The following OTOG variants were observed in gnomAD, a reference collection of about 807,000 sequenced individuals.
OTOG encodes otogelin.
A neutral mutation model predicts 313.8 loss-of-function variants in OTOG; 296 were observed. That is an observed-to-expected ratio of 0.94 (90% CI 0.86 to 1.04). The LOEUF is 1.04. OTOG is among the 50% of genes least tolerant of loss of function. OTOG has a pLI of 0.00. For synonymous variants in OTOG, 1,533 were observed against 1,554.9 expected (o/e 0.99, Z 0.33); for missense variants, 3,948 against 3,840.1 (o/e 1.03, Z -0.74).
chr11:17,587,555 C>A (rs1374732559), intron 24 of OTOG, among the ~76,000 whole-genome samples: 1 of 152,184 alleles, frequency 6.6e-6, no homozygotes, highest in Non-Finnish European at 1.5e-5. Flanking sequence ...GGCCCCCAGT[C>A]CCTGTCCCAT....
At chr11:17,573,496 G>A (rs1172851860) in intron 19 of OTOG, among the ~76,000 whole-genome samples, 1 of 152,162 alleles carries the variant, frequency 6.6e-6, no homozygotes, top group Non-Finnish European at 1.5e-5. Context: ...TGGGACCTGT[G>A]ACTCAGGACT....
rs1565098701 is a variant in OTOG, at chr11:17,573,162, T to G, written c.2165T>G (p.Phe722Cys). 6.5e-7 allele frequency: 1 copy of G among 1,544,214 alleles called. No individual in the cohort carries two copies. Residue 722 changes from phenylalanine to cysteine, a missense_variant, in exon 19 of 56, where the codon TTT becomes TGT. Physicochemically the swap from Phe to Cys is radical, Grantham distance 205. Coordinates refer to ENST00000399397, the MANE Select transcript of OTOG (RefSeq NM_001292063.2). ...CSAFLSPVPY[F>C]EQCRRDACRC... ...GCGTTCCTGAGCCCCGTGCCCTACT[T>G]TGAGCAGTGCCGCAGGGATGCCTGC...
Position 17,645,598 on chromosome 11 carries a change from C to T in OTOG, c.8496C>T (p.Thr2832=), listed in dbSNP as rs947681356. The T allele has an allele frequency of 1.3e-6, 2 of 1,550,508 alleles. No homozygotes were observed. Among genetic ancestry groups the T allele is most frequent in the African/African-American group, 2.7e-5 (2 of 73,072 alleles). ...KEDGRSCKKV[T]IRMTIRKNEC... ...ATGGGCGCTCCTGCAAGAAGGTGACCATCCGCATGACCATCCGCAAGAATG... is the reference window on the plus strand; with the variant it reads ...ATGGGCGCTCCTGCAAGAAGGTGACTATCCGCATGACCATCCGCAAGAATG... The change falls in exon 55 of 56, where the codon ACC becomes ACT. Residue 2832 remains threonine, a synonymous_variant. Transcript: ENST00000399397.
chr11:17,640,952 T>C lies in OTOG; in HGVS notation c.8051T>C (p.Met2684Thr). ...TGTCTGAGCCGCGAGCTGGGTGTGA[T>C]GCAGCCCGGCCAGACAGTGGTGGAG... ...PVCLSRELGVMQPGQTVVELS... is the reference protein window; with the variant it reads ...PVCLSRELGVTQPGQTVVELS... Residue 2684 changes from methionine to threonine, a missense_variant, in exon 51 of 56, where the codon ATG (methionine) becomes ACG (threonine). Met to Thr is a moderately conservative substitution (Grantham distance 81). Transcript: ENST00000399397. 6.5e-7 allele frequency: 1 copy of C among 1,548,390 alleles called. No homozygotes were observed. Among genetic ancestry groups the C allele is most frequent in the Non-Finnish European group, 8.7e-7 (1 of 1,146,966 alleles).
chr11:17,609,887 C>T lies in OTOG; in HGVS notation c.4587C>T (p.Thr1529=). 3 of 1,514,050 alleles carry T rather than the reference C, an allele frequency of 2.0e-6. No individual in the cohort carries two copies. Among genetic ancestry groups the T allele is most frequent in the Non-Finnish European group, 2.7e-6 (3 of 1,126,186 alleles). The allele number at this position is 1,514,050 out of a possible 1,614,324, so 93.8% of individuals were successfully genotyped here. A position where few individuals can be genotyped will look rare whatever the true frequency, so the allele number is the denominator to read the frequency against. Residue 1529 remains threonine (T), a synonymous_variant, in exon 36 of 56, where the codon ACC becomes ACT. Transcript: ENST00000399397. ...PVVSPGPTQT[T]LQQPLELTAS... ...TGTCTCCAGGCCCCACCCAGACCAC[C>T]CTGCAGCAGCCACTGGAGCTCACTG...
Position 17,609,183 on chromosome 11 carries a change from C to T in OTOG, c.4328C>T (p.Thr1443Ile), listed in dbSNP as rs902960972. The T allele has an allele frequency of 4.5e-6, 7 of 1,550,438 alleles. No individual in the cohort carries two copies. In the Admixed American group the frequency reaches 5.9e-5, roughly 13 times the overall value. ...CPTPQVLDEV[T>I]QRCVYLEDCV... is the part of the protein sequence containing the mutation. The stretch of plus-strand genomic sequence containing the variant: ...ACCCCCCAGGTCCTGGATGAAGTCA[C>T]ACAGAGATGTGTCTACTTGGAGGAC... Residue 1443 changes from threonine to isoleucine, a missense_variant, in exon 35 of 56, where the codon ACA (threonine) becomes ATA (isoleucine). Coordinates refer to ENST00000399397, the MANE Select transcript of OTOG (RefSeq NM_001292063.2).
In OTOG at chr11:17,574,766, GT is replaced by G; in HGVS notation, c.2341del (p.Cys781ValfsTer22). On this transcript the variant is annotated frameshift_variant, in exon 20 of 56. Transcript: ENST00000399397. LOFTEE classifies it high-confidence loss of function. ...AGGAGTATAGCCCCTGCGTGGCCCC[GT>G]GTGGACGTACCTGCCAGGACCTGGC... ...SKEYSPCVAP[C>X]GRTCQDLASP... 6.4e-7 allele frequency: 1 copy of G among 1,550,460 alleles called. No individual in the cohort carries two copies. Among genetic ancestry groups the G allele is most frequent in the African/African-American group, 1.4e-5 (1 of 73,116 alleles).
chr11:17,559,469 T>C, intron 11 of OTOG, 65 bp from the exon 12 acceptor site: 2 of 1,545,206 alleles, frequency 1.3e-6, no homozygotes. Context: ...CGGCCTGGGG[T>C]AGGAGCTGGG....
chr11:17,585,397 CT>C (rs1852769180), intron 23 of OTOG, among the ~76,000 whole-genome samples: 1 of 152,132 alleles, frequency 6.6e-6, no homozygotes, highest in South Asian at 2.1e-4. Context: ...TCCTGTCCCC[CT>C]TTTTATCATT....
intron 1 of OTOG, 63 bp from the exon 2 acceptor site, chr11:17,547,864 A>G (rs1851843400): frequency 4.5e-6 from 2 of 444,766 alleles, no homozygotes; most frequent in Non-Finnish European, 7.9e-6. Context: ...AGTGGGGGCC[A>G]GGTGGTGGGA....
chr11:17,611,658 GTGTGTGC>G, intron 36 of OTOG, among the ~76,000 whole-genome samples: 1 of 147,846 alleles, frequency 6.8e-6, no homozygotes, highest in South Asian at 2.5e-4. Flanking sequence ...GTGACAATGT[GTGTGTGC>G]TAGTGTGTGC....
Position 17,600,619 on chromosome 11 carries a change from C to T in OTOG, c.3709+922C>T, listed in dbSNP as rs576983108. ...GACCAGGGTGTAGCATGAGCATCCG[C>T]AGGACTGCAGTTCTGCCAAAATGCT... On this transcript the variant is annotated intron_variant, in intron 31 of 55. Coordinates refer to ENST00000399397, the MANE Select transcript of OTOG (RefSeq NM_001292063.2). Among the ~76,000 whole-genome samples, 19 of 152,288 alleles carry T rather than the reference C, an allele frequency of 1.2e-4. No individual in the cohort carries two copies. The East Asian group carries it at 2.9e-3, about 23-fold the overall frequency.
intron 6 of OTOG, 93 bp from the exon 7 acceptor site, chr11:17,555,686 C>A (rs1852040876): frequency 2.1e-6 from 2 of 971,918 alleles, no homozygotes; most frequent in African/African-American, 1.6e-5. Context: ...CAGGGGACAG[C>A]CATCGGCATT....
rs1158496947 is a variant in OTOG, at chr11:17,593,705, C to T, written c.3237C>T (p.Leu1079=). The change falls in exon 27 of 56, where the codon CTC becomes CTT. Residue 1079 remains leucine, a synonymous_variant. Transcript: ENST00000399397. ...LVHFPQEHIT[L]LWDQRTTVHV... is the part of the protein sequence containing the mutation. ...ATTTCCCACAGGAGCACATCACCCT[C>T]TTGTGGGACCAGAGAACCACAGTGC... is the stretch of plus-strand genomic sequence containing the variant. 6.5e-7 allele frequency: 1 copy of T among 1,548,928 alleles called. No individual in the cohort carries two copies. Among genetic ancestry groups the T allele is most frequent in the East Asian group, 2.4e-5 (1 of 40,920 alleles).
chr11:17,613,759 G>A lies in OTOG; in HGVS notation c.6528+58G>A, dbSNP rs891859638. 7.0e-6 allele frequency: 10 copies of A among 1,430,914 alleles called. No homozygotes were observed. In the African/African-American group the frequency reaches 1.1e-4, roughly 16 times the overall value. 88.6% of individuals were successfully genotyped at this position (1,430,914 alleles called of 1,614,324 possible). ...GGGCCACAGTCAGCTGAGGGACAGG[G>A]CATCCAGGGGTGGAGGGGCTGTGAG... is the stretch of plus-strand genomic sequence containing the variant. On this transcript the variant is annotated intron_variant, in intron 39 of 55. Coordinates refer to ENST00000399397, the MANE Select transcript of OTOG (RefSeq NM_001292063.2).
At position 17,547,313 on chromosome 11, in the gene OTOG, C is replaced by T. The variant is rs978377844; in HGVS notation, c.-60C>T. ...GTGGAGGTGTGACCCTGCCTTAGCC[C>T]GGGGAGGCACCTCGGGAGGCTGGCC... On this transcript the variant is annotated 5_prime_UTR_variant, in exon 1 of 56. Transcript: ENST00000399397. The T allele has an allele frequency of 5.2e-5, 67 of 1,281,874 alleles. No individual in the cohort carries two copies. Among genetic ancestry groups the T allele is most frequent in the Non-Finnish European group, 6.4e-5 (65 of 1,011,024 alleles). 79.4% of individuals were successfully genotyped at this position (1,281,874 alleles called of 1,614,324 possible).
At position 17,575,809 on chromosome 11, in the gene OTOG, C is replaced by T. The variant is rs557080649; in HGVS notation, c.2487-747C>T. 1.1e-4 allele frequency among the ~76,000 whole-genome samples: 16 copies of T among 152,176 alleles called. No individual in the cohort carries two copies. The East Asian group carries it at 1.2e-3, about 11-fold the overall frequency. The stretch of plus-strand genomic sequence containing the variant: ...ACCCCTTGATGTTGAGTGTTGCCAA[C>T]GAAAGGGGTCTGTGTGGCTTATATA... On this transcript the variant is annotated intron_variant, in intron 20 of 55. Coordinates refer to ENST00000399397, the MANE Select transcript of OTOG (RefSeq NM_001292063.2).
Position 17,611,240 on chromosome 11 carries a change from G to A in OTOG, c.5940G>A (p.Leu1980=). 1.3e-6 allele frequency: 2 copies of A among 1,550,542 alleles called. No individual in the cohort carries two copies. The highest frequency in any genetic ancestry group is 2.0e-5 in the Admixed American group (1 of 51,014). The change falls in exon 36 of 56, where the codon CTG becomes CTA. Residue 1980 remains leucine (L), a synonymous_variant. Coordinates refer to ENST00000399397, the MANE Select transcript of OTOG (RefSeq NM_001292063.2). ...SARTAPQDSM[L]VLLPQLAEAH... is the part of the protein sequence containing the mutation. ...GGACGGCCCCCCAAGACAGCATGCT[G>A]GTTCTGTTGCCTCAGCTGGCTGAGG...
chr11:17,585,901 A>T (rs1321659808), intron 23 of OTOG, among the ~76,000 whole-genome samples: 2 of 152,214 alleles, frequency 1.3e-5, no homozygotes, highest in Non-Finnish European at 2.9e-5. Context: ...TTTGAACAAA[A>T]AATTATTTAT....
Sources: allele counts gnomAD v4.1 joint callset (sites outside exome capture counted in the v4.1 genomes callset), GRCh38; gene constraint gnomAD v4.1.1; transcripts MANE v1.5; gene names NCBI Gene and HGNC (gene_info 2026-07-23, HGNC 2026-07-21).